Variants in DLEC1 observed in about 807,000 individuals in gnomAD.
The protein encoded by DLEC1 is deleted in lung and esophageal cancer protein 1.
DLEC1 carries 146 observed loss-of-function variants against 198.1 expected under a neutral mutation model. The ratio of observed to expected loss-of-function variants is 0.74; its 90% CI spans 0.64 to 0.85. DLEC1 has a LOEUF of 0.85. DLEC1 is among the 40% of genes least tolerant of loss of function. The pLI, the probability that DLEC1 is intolerant of heterozygous loss-of-function variation, is 0.00. For synonymous variants in DLEC1, 897 were observed against 866.8 expected (o/e 1.03, Z -0.61); for missense variants, 2,233 against 2,220.0 (o/e 1.01, Z -0.12).
At chr3:38,081,995 C>T (rs1339695085) in intron 6 of DLEC1, among the ~76,000 whole-genome samples, 35 of 130,416 alleles carry the variant, frequency 2.7e-4, no homozygotes, top group African/African-American at 1.0e-3. Context: ...CCTCACTTCT[C>T]AGACGGGGCA....
chr3:38,104,720 G>A (rs1699481586), intron 19 of DLEC1, among the ~76,000 whole-genome samples: 1 of 152,046 alleles, frequency 6.6e-6, no homozygotes, highest in South Asian at 2.1e-4. Flanking sequence ...ATCAATGTTG[G>A]TGATATTTTC....
chr3:38,083,504 A>T (rs915260351), intron 6 of DLEC1, among the ~76,000 whole-genome samples: 11 of 152,202 alleles, frequency 7.2e-5, no homozygotes, highest in Non-Finnish European at 1.2e-4. Flanking sequence ...GAATGTCATC[A>T]GTTAAGGCAA....
chr3:38,097,002 A>C (rs541620670), intron 15 of DLEC1, among the ~76,000 whole-genome samples, 180 bp from the exon 16 acceptor site: 19 of 152,170 alleles, frequency 1.2e-4, no homozygotes, highest in African/African-American at 4.3e-4. Flanking sequence ...AGCCACAGGC[A>C]CTGCAGTGTG....
chr3:38,093,740 G>C lies in DLEC1; in HGVS notation c.1892G>C (p.Arg631Thr), dbSNP rs1473113307. 1.2e-6 allele frequency: 2 copies of C among 1,614,222 alleles called. No homozygotes were observed. The highest frequency in any genetic ancestry group is 2.2e-5 in the East Asian group (1 of 44,888). ...CCTGAAAACCTTCGGTCCACGGCTA[G>C]GAAGCAGCTGATTATTAGAAATGCT... ...FEPENLRSTARKQLIIRNATH... is the reference protein window; with the variant it reads ...FEPENLRSTATKQLIIRNATH... The change falls in exon 12 of 37, where the codon AGG becomes ACG. Residue 631 changes from arginine to threonine, a missense_variant. Coordinates refer to ENST00000308059, the MANE Select transcript of DLEC1 (RefSeq NM_007335.4).
At chr3:38,065,776 G>T (rs1357022160) in intron 6 of DLEC1, among the ~76,000 whole-genome samples, 1 of 152,110 alleles carries the variant, frequency 6.6e-6, no homozygotes, top group Non-Finnish European at 1.5e-5. Context: ...TTAAAAAAAA[G>T]TCCATTTATA....
At chr3:38,072,349 A>C (rs922106305) in intron 6 of DLEC1, among the ~76,000 whole-genome samples, 11 of 152,214 alleles carry the variant, frequency 7.2e-5, no homozygotes, top group African/African-American at 2.4e-4. Flanking sequence ...AGGGCCTCTA[A>C]AAGTATTAGG....
intron 6 of DLEC1, among the ~76,000 whole-genome samples, chr3:38,078,609 T>G (rs1053659551): frequency 2.6e-5 from 4 of 152,314 alleles, no homozygotes; most frequent in South Asian, 4.1e-4. Flanking sequence ...AAATTTGGGC[T>G]TGACTGAAGT....
rs1028577938 is a variant in DLEC1 at position 38,095,551 on chromosome 3, C to T, written c.2113-337C>T. On this transcript the variant is annotated intron_variant, in intron 13 of 36. Transcript: ENST00000308059. ...TGGGTTTGGGGCTGAGATGAGTGAT[C>T]CTGCCTCTGGTCCCAGCATCCAGCT... The T allele has an allele frequency of 7.3e-5, 25 of 341,840 alleles. No homozygotes were observed. The Admixed American group carries it at 1.1e-3, about 15-fold the overall frequency. 21.2% of individuals were successfully genotyped at this position (341,840 alleles called of 1,614,324 possible).
intron 34 of DLEC1, among the ~76,000 whole-genome samples, chr3:38,121,211 G>A (rs565052787): frequency 6.6e-6 from 1 of 152,350 alleles, no homozygotes; most frequent in South Asian, 2.1e-4. Flanking sequence ...CAGTGCCTGA[G>A]TGTGATGCAG....
Position 38,086,354 on chromosome 3 carries a change from A to T in DLEC1, c.1549A>T (p.Ser517Cys), listed in dbSNP as rs1462415433. The T allele has an allele frequency of 6.2e-7, 1 of 1,610,696 alleles. No individual in the cohort carries two copies. The highest frequency in any genetic ancestry group is 8.5e-7 in the Non-Finnish European group (1 of 1,178,460). ...CAGGTTCTGCATTATGCCCAAAACA[A>T]GCTGGCCACCACTAAGTTTCAAGGT... ...VGRFCIMPKT[S>C]WPPLSFKAIA... is the part of the protein sequence containing the mutation. The change falls in exon 9 of 37, where the codon AGC becomes TGC. Residue 517 changes from serine (S) to cysteine (C), a missense_variant. Coordinates refer to ENST00000308059, the MANE Select transcript of DLEC1 (RefSeq NM_007335.4).
chr3:38,084,377 GGTGGTAGTA>G (rs1698255262), intron 7 of DLEC1, 132 bp downstream of exon 7: 3 of 564,022 alleles, frequency 5.3e-6, no homozygotes, highest in Non-Finnish European at 5.3e-6. Flanking sequence ...TAGTAGTGAT[GGTGGTAGTA>G]GTGGTAGTAG....
At chr3:38,107,031 T>C (rs1575214250) in intron 19 of DLEC1, among the ~76,000 whole-genome samples, 1 of 152,258 alleles carries the variant, frequency 6.6e-6, no homozygotes, top group East Asian at 1.9e-4. Context: ...GCTGGAGATA[T>C]AGGCAAATAC....
intron 27 of DLEC1, 59 bp from the exon 28 acceptor site, chr3:38,116,393 GC>G: frequency 1.3e-6 from 2 of 1,578,628 alleles, no homozygotes; most frequent in African/African-American, 1.3e-5. Flanking sequence ...GGAGGAGGGG[GC>G]CCCGGGGGGT....
chr3:38,084,348 G>A (rs1698245516), intron 7 of DLEC1, 103 bp downstream of exon 7: 1 of 1,030,812 alleles, frequency 9.7e-7, no homozygotes, highest in Non-Finnish European at 1.5e-6. Context: ...AATGATAGTA[G>A]TAGTGGTGGT....
intron 8 of DLEC1, 128 bp downstream of exon 8, chr3:38,085,575 C>G: frequency 8.9e-7 from 1 of 1,123,810 alleles, no homozygotes; most frequent in Non-Finnish European, 1.3e-6. Flanking sequence ...GCCGTGGGTC[C>G]TGCAGAGGAA....
intron 6 of DLEC1, among the ~76,000 whole-genome samples, chr3:38,079,848 G>A (rs557254354): frequency 2.6e-5 from 4 of 152,298 alleles, no homozygotes; most frequent in African/African-American, 7.2e-5. Context: ...CACAGTGGAG[G>A]CAAGGAATTG....
At chr3:38,096,225 G>A (rs568820338) in intron 14 of DLEC1, among the ~76,000 whole-genome samples, 1 of 152,224 alleles carries the variant, frequency 6.6e-6, no homozygotes, top group South Asian at 2.1e-4. Flanking sequence ...GGGGGCCCTC[G>A]GTGGTGGTGA....
intron 32 of DLEC1, 38 bp downstream of exon 32, chr3:38,117,649 C>T: frequency 1.2e-6 from 2 of 1,613,526 alleles, no homozygotes; most frequent in Middle Eastern, 1.7e-4. Context: ...GCCAGCTTAC[C>T]TGGACCTCAG....
At chr3:38,118,343 T>C (rs1700293755) in intron 33 of DLEC1, among the ~76,000 whole-genome samples, 1 of 152,184 alleles carries the variant, frequency 6.6e-6, no homozygotes, top group Non-Finnish European at 1.5e-5. Flanking sequence ...GGCTGATGCA[T>C]TCCTGTGAGC....
Sources: gnomAD v4.1 joint callset for allele counts (sites outside exome capture counted in the v4.1 genomes callset) on GRCh38, gnomAD v4.1.1 for gene constraint, MANE v1.5 for transcripts, NCBI Gene and HGNC (gene_info 2026-07-23, HGNC 2026-07-21) for gene names.